Variants in MYO5B observed in about 807,000 individuals in gnomAD.
MYO5B encodes the protein myosin VB, also known as unconventional myosin-Vb.
In MYO5B, 143 loss-of-function variants were observed where a neutral mutation model predicts 229.3. The observed-to-expected ratio is 0.62, with a 90% confidence interval of 0.54 to 0.72. The LOEUF (loss-of-function observed/expected upper bound fraction) is 0.72. Ranked by LOEUF, MYO5B falls within the 30% of genes least tolerant of loss-of-function variation. The probability of loss-of-function intolerance (pLI) is 0.00; values close to 1 mark genes in which losing one functional copy is unlikely to be tolerated. For missense variants in MYO5B, 2,321 were observed against 2,331.0 expected (o/e 1.00, Z 0.09); for synonymous variants, 918 against 885.2 (o/e 1.04, Z -0.66).
At chr18:50,105,027 A>G (rs1027154408) in intron 1 of MYO5B, among the ~76,000 whole-genome samples, 1 of 150,474 alleles carries the variant, frequency 6.6e-6, no homozygotes, top group Non-Finnish European at 1.5e-5. Flanking sequence ...GAGGACATCT[A>G]GGAGCAGGAA....
At chr18:49,834,019 T>C (rs2023956286) in intron 39 of MYO5B, among the ~76,000 whole-genome samples, 1 of 152,200 alleles carries the variant, frequency 6.6e-6, no homozygotes, top group Admixed American at 6.5e-5. Flanking sequence ...AGACGTTCCC[T>C]CTGTTGGCCT....
chr18:49,967,369 A>T (rs763001966), intron 10 of MYO5B, among the ~76,000 whole-genome samples: 1 of 152,166 alleles, frequency 6.6e-6, no homozygotes, highest in Non-Finnish European at 1.5e-5. Context: ...TCACTCCATG[A>T]CCTGGAGAGA....
At chr18:50,018,122 C>A (rs928438495) in intron 4 of MYO5B, among the ~76,000 whole-genome samples, 3 of 152,048 alleles carry the variant, frequency 2.0e-5, no homozygotes, top group African/African-American at 7.3e-5. Context: ...CTGTCTTGTC[C>A]AGGCTGGATG....
At chr18:49,912,843 T>C (rs891482043) in intron 17 of MYO5B, among the ~76,000 whole-genome samples, 1 of 152,248 alleles carries the variant, frequency 6.6e-6, no homozygotes, top group Non-Finnish European at 1.5e-5. Context: ...GCTCCACTCC[T>C]CAGAAGCAGG....
At chr18:49,882,979 T>A (rs2024605018) in intron 22 of MYO5B, among the ~76,000 whole-genome samples, 1 of 152,112 alleles carries the variant, frequency 6.6e-6, no homozygotes, top group East Asian at 1.9e-4. Flanking sequence ...GATTCAAAAA[T>A]CCTCAACTAA....
At chr18:50,104,173 G>GA (rs2031709650) in intron 1 of MYO5B, among the ~76,000 whole-genome samples, 2 of 9,610 alleles carry the variant, frequency 2.1e-4, no homozygotes, top group East Asian at 3.1e-3. Flanking sequence ...CTATTAAAAA[G>GA]AAAAAAAAGA....
rs772200737 is a variant in MYO5B at position 50,093,207 on chromosome 18, G to GACAC, written c.28-37833_28-37830dup. Reference sequence around the variant, plus strand: ...ACACACACACACACACACACACACAGACACACACACACACACACAGAGAGG... The same window carrying GACAC: ...ACACACACACACACACACACACACAGACACACACACACACACACACACAGAGAGG... On this transcript the variant is annotated intron_variant, in intron 1 of 39. Coordinates refer to ENST00000285039, the MANE Select transcript of MYO5B (RefSeq NM_001080467.3). 8.4e-5 allele frequency among the ~76,000 whole-genome samples: 10 copies of GACAC among 119,672 alleles called. No individual in the cohort carries two copies. In the South Asian group the frequency reaches 2.0e-3, roughly 24 times the overall value. The allele number at this position is 119,672 out of a possible 152,430, so 78.5% of individuals were successfully genotyped here.
rs571206795 is a variant in MYO5B at position 49,833,917 on chromosome 18, C to T, written c.5394+1427G>A. ...GAGTAGAGAGACTCACTCTGCCTGCCCCATTCTGCGGCCTGTGTCTTTAAC... is the reference window on the plus strand; with the variant it reads ...GAGTAGAGAGACTCACTCTGCCTGCTCCATTCTGCGGCCTGTGTCTTTAAC... On this transcript the variant is annotated intron_variant, in intron 39 of 39. Coordinates refer to ENST00000285039, the MANE Select transcript of MYO5B (RefSeq NM_001080467.3). 1.4e-3 allele frequency among the ~76,000 whole-genome samples: 209 copies of T among 152,264 alleles called. 1 individual carries two copies. Among genetic ancestry groups the T allele is most frequent in the Non-Finnish European group, 2.2e-3 (149 of 68,026 alleles).
intron 4 of MYO5B, among the ~76,000 whole-genome samples, chr18:50,026,322 G>T (rs1246977742): frequency 7.0e-6 from 1 of 143,474 alleles, no homozygotes; most frequent in African/African-American, 2.6e-5. Context: ...CTGTAAAAGG[G>T]CAGTAAAGTC....
rs140348015 is a variant in MYO5B, at chr18:49,928,057, C to T, written c.2090+1455G>A. Among the ~76,000 whole-genome samples, 509 of 152,154 alleles carry T rather than the reference C, an allele frequency of 3.3e-3. 5 individuals carry two copies. Among genetic ancestry groups the T allele is most frequent in the African/African-American group, 0.01 (430 of 41,510 alleles). ...AAGTAGCACAGAAAAAAAACCATCC[C>T]GTCAAAAAGTGGGCTAAGGACATGA... On this transcript the variant is annotated intron_variant, in intron 17 of 39. Coordinates refer to ENST00000285039, the MANE Select transcript of MYO5B (RefSeq NM_001080467.3).
rs183782595 is a variant in MYO5B at position 50,055,840 on chromosome 18, A to G, written c.28-462T>C. Among the ~76,000 whole-genome samples the G allele has an allele frequency of 2.6e-4, 39 of 152,366 alleles. No homozygotes were observed. In the East Asian group the frequency reaches 4.6e-3, roughly 18 times the overall value. ...TTCAGAGAAAAAGTCATTTTCCTGC[A>G]GAAGTGAAAGAAAGTGGTCGGCAAA... On this transcript the variant is annotated intron_variant, in intron 1 of 39. Coordinates refer to ENST00000285039, the MANE Select transcript of MYO5B (RefSeq NM_001080467.3).
Position 49,864,244 on chromosome 18 carries a change from AGCTGGTTCAGCAGGAG to A in MYO5B, c.3724_3739del (p.Leu1242SerfsTer23). 1 of 1,614,068 alleles carries A rather than the reference AGCTGGTTCAGCAGGAG, an allele frequency of 6.2e-7. No homozygotes were observed. Among genetic ancestry groups the A allele is most frequent in the Non-Finnish European group, 8.5e-7 (1 of 1,180,028 alleles). On this transcript the variant is annotated frameshift_variant, in exon 28 of 40. Coordinates refer to ENST00000285039, the MANE Select transcript of MYO5B (RefSeq NM_001080467.3). LOFTEE classifies it high-confidence loss of function. ...CTCGAGCTCCTCGTGGGCCAGCTTGAGCTGGTTCAGCAGGAGGCTGTAGCTATCTGGGGAGCCGTGG... is the reference window on the plus strand; with the variant it reads ...CTCGAGCTCCTCGTGGGCCAGCTTGAGCTGTAGCTATCTGGGGAGCCGTGG...
intron 17 of MYO5B, among the ~76,000 whole-genome samples, chr18:49,913,301 C>T (rs2024978237): frequency 6.6e-6 from 1 of 152,176 alleles, no homozygotes; most frequent in African/African-American, 2.4e-5. Context: ...GGGTCTGTCC[C>T]TTTCTCATTA....
At chr18:50,043,509 ATATT>A (rs2030120442) in intron 2 of MYO5B, among the ~76,000 whole-genome samples, 1 of 115,410 alleles carries the variant, frequency 8.7e-6, no homozygotes, top group Non-Finnish European at 1.7e-5. Flanking sequence ...AAATATAAAT[ATATT>A]TATAAGTATA....
In MYO5B at chr18:49,823,742, G is replaced by C. The variant is rs965060302; in HGVS notation, c.*2729C>G. The stretch of plus-strand genomic sequence containing the variant: ...CTGGAACTCTAACTGCAACTATGAG[G>C]GCACAGGGAAAATGCATGTATGTAA... On this transcript the variant is annotated 3_prime_UTR_variant, in exon 40 of 40. Coordinates refer to ENST00000285039, the MANE Select transcript of MYO5B (RefSeq NM_001080467.3). The C allele has an allele frequency of 2.0e-5, 3 of 152,128 alleles. No individual in the cohort carries two copies. Among genetic ancestry groups the C allele is most frequent in the Non-Finnish European group, 4.4e-5 (3 of 68,018 alleles). 9.4% of individuals were successfully genotyped at this position (152,128 alleles called of 1,614,324 possible).
At chr18:49,925,885 C>G (rs1231375507) in intron 17 of MYO5B, among the ~76,000 whole-genome samples, 1 of 152,170 alleles carries the variant, frequency 6.6e-6, no homozygotes, top group East Asian at 1.9e-4. Context: ...ACTACTGCAC[C>G]CATTGCCTGA....
At chr18:49,905,462 G>T (rs2024888843) in intron 19 of MYO5B, among the ~76,000 whole-genome samples, 1 of 152,102 alleles carries the variant, frequency 6.6e-6, no homozygotes, top group African/African-American at 2.4e-5. Context: ...GGTCTTGTTT[G>T]CTGCCAGGCC....
intron 4 of MYO5B, among the ~76,000 whole-genome samples, chr18:50,035,995 G>C (rs890651308): frequency 6.6e-6 from 1 of 152,068 alleles, no homozygotes. Flanking sequence ...CTGAAGCACA[G>C]ACCACCTAGA....
intron 18 of MYO5B, among the ~76,000 whole-genome samples, chr18:49,909,313 A>G (rs1421075102): frequency 6.6e-6 from 1 of 152,228 alleles, no homozygotes; most frequent in Admixed American, 6.5e-5. Flanking sequence ...GTCTCCAGGA[A>G]GGATAACTGC....
Sources: gnomAD v4.1 joint callset for allele counts (sites outside exome capture counted in the v4.1 genomes callset) on GRCh38, gnomAD v4.1.1 for gene constraint, MANE v1.5 for transcripts, NCBI Gene and HGNC (gene_info 2026-07-23, HGNC 2026-07-21) for gene names.